The following NEK1 variants were observed in gnomAD, a reference collection of about 807,000 sequenced individuals.
NEK1 encodes the protein NIMA related kinase 1.
Under a neutral mutation model 182.1 loss-of-function variants are expected in NEK1, and 137 were observed. The ratio of observed to expected loss-of-function variants is 0.75; its 90% confidence interval spans 0.65 to 0.87. NEK1 has a LOEUF of 0.87. Among genes scored for constraint, NEK1 ranks in the 40% least tolerant of loss-of-function variants. NEK1 has a pLI of 0.00. For synonymous variants in NEK1, 513 were observed against 492.2 expected (o/e 1.04, Z -0.56); for missense variants, 1,391 against 1,494.4 (o/e 0.93, Z 1.14).
chr4:169,586,466 C>A (rs1198329031), intron 9 of NEK1, among the ~76,000 whole-genome samples: 2 of 151,984 alleles, frequency 1.3e-5, no homozygotes, highest in Admixed American at 6.6e-5. Context: ...AATTGACACG[C>A]TCTTCATAAA....
intron 27 of NEK1, among the ~76,000 whole-genome samples, chr4:169,454,998 T>C (rs143221080): frequency 0.073 from 11,157 of 152,092 alleles, 1,340 homozygotes; most frequent in African/African-American, 0.25. Flanking sequence ...TACGCAGCCA[T>C]AAGAAAGGAT....
intron 28 of NEK1, among the ~76,000 whole-genome samples, chr4:169,437,018 G>A (rs1207112426): frequency 6.6e-6 from 1 of 152,174 alleles, no homozygotes; most frequent in Non-Finnish European, 1.5e-5. Context: ...GACTGAAGGG[G>A]ACAAACATAG....
At chr4:169,513,648 T>C (rs1215565413) in intron 19 of NEK1, among the ~76,000 whole-genome samples, 1 of 152,210 alleles carries the variant, frequency 6.6e-6, no homozygotes, top group Admixed American at 6.5e-5. Flanking sequence ...TCCCTAATTG[T>C]AGAGGGAAAT....
chr4:169,572,185 A>G (rs1035427632), intron 12 of NEK1, among the ~76,000 whole-genome samples: 15 of 152,208 alleles, frequency 9.9e-5, no homozygotes, highest in African/African-American at 3.4e-4. Context: ...GAAAGCAGTT[A>G]GACTAATCAT....
chr4:169,428,351 G>GATATATATATCTATATATAT (rs1736774576), intron 29 of NEK1, among the ~76,000 whole-genome samples: 1 of 93,224 alleles, frequency 1.1e-5, no homozygotes, highest in Non-Finnish European at 2.2e-5. Flanking sequence ...AAATATATGG[G>GATATATATATCTATATATAT]ATATATATAT....
chr4:169,454,892 G>A (rs527737632), intron 27 of NEK1, among the ~76,000 whole-genome samples: 1 of 152,214 alleles, frequency 6.6e-6, no homozygotes, highest in South Asian at 2.1e-4. Context: ...TGTTTATGGT[G>A]GCACTATTCA....
intron 28 of NEK1, among the ~76,000 whole-genome samples, chr4:169,435,292 T>C (rs1197519692): frequency 1.3e-5 from 2 of 152,186 alleles, no homozygotes; most frequent in Non-Finnish European, 2.9e-5. Flanking sequence ...ATCCCATTAA[T>C]GAGGGCGCCA....
rs1318304199 is a variant in NEK1, at chr4:169,537,795, A to C, written c.1665+14T>G. On this transcript the variant is annotated intron_variant, in intron 19 of 35. Coordinates refer to ENST00000507142, the MANE Select transcript of NEK1 (RefSeq NM_001199397.3). ...TAATACATTCAAAATCTCAGAAACA[A>C]ACAAAATTCATACCATATGTCCTTC... The C allele has an allele frequency of 1.2e-6, 2 of 1,601,352 alleles. No individual in the cohort carries two copies. Among genetic ancestry groups the C allele is most frequent in the Admixed American group, 3.3e-5 (2 of 59,940 alleles).
At chr4:169,502,466 T>C (rs892528155) in intron 23 of NEK1, among the ~76,000 whole-genome samples, 5 of 151,820 alleles carry the variant, frequency 3.3e-5, no homozygotes, top group African/African-American at 9.7e-5. Flanking sequence ...CTGATGAAAA[T>C]AGACACAAAA....
At chr4:169,578,949 C>A (rs964378715) in intron 11 of NEK1, among the ~76,000 whole-genome samples, 1 of 152,132 alleles carries the variant, frequency 6.6e-6, no homozygotes, top group African/African-American at 2.4e-5. Flanking sequence ...CATACACATA[C>A]ACATATACAC....
At chr4:169,496,269 G>C (rs1751257779) in intron 23 of NEK1, among the ~76,000 whole-genome samples, 1 of 152,046 alleles carries the variant, frequency 6.6e-6, no homozygotes, top group African/African-American at 2.4e-5. Flanking sequence ...CTGAGACTTT[G>C]CTGAAGTTGC....
intron 18 of NEK1, among the ~76,000 whole-genome samples, chr4:169,544,201 CT>C (rs1759962512): frequency 6.6e-6 from 1 of 152,076 alleles, no homozygotes; most frequent in African/African-American, 2.4e-5. Flanking sequence ...TGTCAAAGGC[CT>C]TTTCTGCATC....
At chr4:169,512,950 G>T (rs1189360907) in intron 19 of NEK1, among the ~76,000 whole-genome samples, 3 of 151,986 alleles carry the variant, frequency 2.0e-5, no homozygotes, top group Non-Finnish European at 4.4e-5. Context: ...GTGTTTCATT[G>T]ATCTATGTGT....
intron 31 of NEK1, among the ~76,000 whole-genome samples, chr4:169,410,756 C>T: frequency 6.6e-6 from 1 of 152,206 alleles, no homozygotes; most frequent in East Asian, 1.9e-4. Flanking sequence ...ATTATACATT[C>T]ATCATTTTTT....
chr4:169,476,410 A>G (rs989387788), intron 26 of NEK1, among the ~76,000 whole-genome samples: 3 of 152,126 alleles, frequency 2.0e-5, no homozygotes, highest in African/African-American at 4.8e-5. Context: ...ACTACATTCT[A>G]AACATTATTA....
Position 169,577,004 on chromosome 4 carries a change from T to C in NEK1, c.944A>G (p.Tyr315Cys). 1.2e-6 allele frequency: 2 copies of C among 1,613,020 alleles called. No individual in the cohort carries two copies. The highest frequency in any genetic ancestry group is 8.5e-7 in the Non-Finnish European group (1 of 1,179,178). Residue 315 changes from tyrosine (Y) to cysteine (C), a missense_variant, in exon 12 of 36, where the codon TAT becomes TGT. By Grantham distance (194) the Tyr-to-Cys change is radical. Coordinates refer to ENST00000507142, the MANE Select transcript of NEK1 (RefSeq NM_001199397.3). ...TTTCTTATATGCTAAAGGTATTCCA[T>C]ATTTAGCGGCAGGCTTTGTAATTTT... ...AQKITKPAAK[Y>C]GIPLAYKKYG... is the part of the protein sequence containing the mutation.
At chr4:169,455,579 T>C (rs1182127281) in intron 27 of NEK1, among the ~76,000 whole-genome samples, 3 of 152,198 alleles carry the variant, frequency 2.0e-5, no homozygotes, top group African/African-American at 4.8e-5. Context: ...CAGTTATAAA[T>C]ATATATGCAT....
intron 31 of NEK1, among the ~76,000 whole-genome samples, chr4:169,419,081 T>C (rs1370134356): frequency 6.6e-6 from 1 of 152,082 alleles, no homozygotes; most frequent in Non-Finnish European, 1.5e-5. Context: ...GCTAGTCCTA[T>C]AAAACCTTAC....
chr4:169,405,030 G>A (rs1410552986), intron 32 of NEK1, among the ~76,000 whole-genome samples: 1 of 152,144 alleles, frequency 6.6e-6, no homozygotes, highest in African/African-American at 2.4e-5. Context: ...CATTGGCATG[G>A]CTTTGAAATC....
Sources: gnomAD v4.1 joint callset for allele counts (sites outside exome capture counted in the v4.1 genomes callset) on GRCh38, gnomAD v4.1.1 for gene constraint, MANE v1.5 for transcripts, NCBI Gene and HGNC (gene_info 2026-07-23, HGNC 2026-07-21) for gene names.